Variants in ROR2 observed in about 807,000 individuals in gnomAD.
ROR2 encodes the protein tyrosine-protein kinase transmembrane receptor ROR2.
ROR2 carries 33 observed loss-of-function variants against 74.9 expected under a neutral mutation model. The observed-to-expected ratio is 0.44, with a 90% CI of 0.33 to 0.59. The LOEUF is 0.59. Ranked by LOEUF, ROR2 falls within the 20% of genes least tolerant of loss-of-function variation. The pLI is 0.02. For synonymous variants in ROR2, 586 were observed against 558.7 expected, an observed-to-expected ratio of 1.05 and a Z score of -0.69; for missense variants, 1,216 against 1,313.8, an observed-to-expected ratio of 0.93 and a Z score of 1.15.
At chr9:91,862,122 G>GACCATCCT (rs1829486487) in intron 1 of ROR2, among the ~76,000 whole-genome samples, 1 of 152,052 alleles carries the variant, frequency 6.6e-6, no homozygotes, top group Admixed American at 6.5e-5. Context: ...AGGAGATCAA[G>GACCATCCT]ACCATCCTGG....
Position 91,885,528 on chromosome 9 carries a change from G to A in ROR2, c.97+64339C>T, listed in dbSNP as rs188061343. On this transcript the variant is annotated intron_variant, in intron 1 of 8. Transcript: ENST00000375708. ...GTGGCTCCCGCCTGGGCCTGCACCA[G>A]GGTGGCTATGACATGGGACCTAAGG... Among the ~76,000 whole-genome samples the A allele has an allele frequency of 2.6e-3, 396 of 152,352 alleles. 4 individuals are homozygous for A. The highest frequency in any genetic ancestry group is 8.9e-3 in the African/African-American group (372 of 41,578).
At chr9:91,802,198 C>G (rs1587732799) in intron 1 of ROR2, among the ~76,000 whole-genome samples, 1 of 151,810 alleles carries the variant, frequency 6.6e-6, no homozygotes, top group East Asian at 1.9e-4. Context: ...CTCAGTCTTC[C>G]AGGTAGCTGG....
At position 91,871,202 on chromosome 9, in the gene ROR2, T is replaced by C. The variant is rs144259392; in HGVS notation, c.97+78665A>G. ...CTGTCTCTCCTCTGAAGAGTCTCAC[T>C]TTCTCTGTTTCCATGTTGGTCTCCT... is the stretch of plus-strand genomic sequence containing the variant. On this transcript the variant is annotated intron_variant, in intron 1 of 8. Coordinates refer to ENST00000375708, the MANE Select transcript of ROR2 (RefSeq NM_004560.4). 2.0e-5 allele frequency among the ~76,000 whole-genome samples: 3 copies of C among 152,372 alleles called. No homozygotes were observed. In the East Asian group the frequency reaches 5.8e-4, roughly 29 times the overall value.
intron 1 of ROR2, among the ~76,000 whole-genome samples, chr9:91,837,095 T>C (rs991165467): frequency 9.2e-5 from 14 of 152,178 alleles, no homozygotes; most frequent in African/African-American, 3.4e-4. Flanking sequence ...GATGTGTACA[T>C]GGTAATAAAT....
At chr9:91,852,624 A>AC (rs1829133234) in intron 1 of ROR2, among the ~76,000 whole-genome samples, 55 of 123,920 alleles carry the variant, frequency 4.4e-4, no homozygotes, top group East Asian at 1.8e-3. Flanking sequence ...AAAACACACA[A>AC]ACACACACAC....
At chr9:91,760,633 CAA>C (rs11405498) in intron 2 of ROR2, among the ~76,000 whole-genome samples, 19 of 80,872 alleles carry the variant, frequency 2.3e-4, no homozygotes, top group Non-Finnish European at 2.2e-4. Flanking sequence ...GACTCTGTCT[CAA>C]AAAAAAAAAA....
chr9:91,864,444 A>G (rs1233479663), intron 1 of ROR2, among the ~76,000 whole-genome samples: 1 of 152,242 alleles, frequency 6.6e-6, no homozygotes, highest in Non-Finnish European at 1.5e-5. Flanking sequence ...GAGCACTGTC[A>G]ACACACATGG....
At chr9:91,877,199 C>A (rs1371595630) in intron 1 of ROR2, among the ~76,000 whole-genome samples, 1 of 152,206 alleles carries the variant, frequency 6.6e-6, no homozygotes, top group Non-Finnish European at 1.5e-5. Flanking sequence ...TACAAGGACT[C>A]AGAAAACTTA....
intron 1 of ROR2, among the ~76,000 whole-genome samples, chr9:91,798,640 C>T (rs1282993261): frequency 1.0e-4 from 6 of 57,788 alleles, no homozygotes; most frequent in African/African-American, 2.3e-4. Context: ...GCTCTGTGGG[C>T]GAGCTGACAC....
chr9:91,797,706 G>A (rs1827223160), intron 1 of ROR2, among the ~76,000 whole-genome samples: 1 of 61,442 alleles, frequency 1.6e-5, no homozygotes, highest in Non-Finnish European at 2.9e-5. Context: ...TGACACCCTG[G>A]GCTCTGTGGG....
intron 1 of ROR2, among the ~76,000 whole-genome samples, chr9:91,822,990 G>A (rs1373621236): frequency 2.6e-5 from 4 of 152,168 alleles, no homozygotes; most frequent in South Asian, 2.1e-4. Flanking sequence ...TCAAAGGTGC[G>A]ACATTCTGGA....
intron 1 of ROR2, among the ~76,000 whole-genome samples, chr9:91,939,260 A>G (rs1420166421): frequency 6.6e-6 from 1 of 152,120 alleles, no homozygotes; most frequent in African/African-American, 2.4e-5. Flanking sequence ...AAAAAAAAAA[A>G]TTAAATTAAA....
At chr9:91,841,644 C>T (rs946003058) in intron 1 of ROR2, among the ~76,000 whole-genome samples, 32 of 152,170 alleles carry the variant, frequency 2.1e-4, no homozygotes, top group Non-Finnish European at 4.3e-4. Context: ...CAGTACAGCC[C>T]GGTGGGCTCC....
At chr9:91,886,948 C>G (rs1161183333) in intron 1 of ROR2, 1 of 152,160 alleles carries the variant, frequency 6.6e-6, no homozygotes, top group Non-Finnish European at 1.5e-5. Flanking sequence ...GACTGCCTGC[C>G]GTGTCTTTTA....
At position 91,791,728 on chromosome 9, in the gene ROR2, A is replaced by G. The variant is rs559478546; in HGVS notation, c.98-15910T>C. Among the ~76,000 whole-genome samples the G allele has an allele frequency of 9.9e-5, 15 of 152,034 alleles. No individual in the cohort carries two copies. The South Asian group carries it at 2.9e-3, about 30-fold the overall frequency. On this transcript the variant is annotated intron_variant, in intron 1 of 8. Coordinates refer to ENST00000375708, the MANE Select transcript of ROR2 (RefSeq NM_004560.4). ...GAAGACTTGAACAACATTATAAACC[A>G]ACTAGATACAACACGAACAGAACAC...
intron 1 of ROR2, among the ~76,000 whole-genome samples, chr9:91,854,090 G>A (rs531336724): frequency 3.9e-5 from 6 of 152,272 alleles, no homozygotes; most frequent in South Asian, 2.1e-4. Context: ...GCAACACCAC[G>A]CAAGACACTG....
intron 3 of ROR2, among the ~76,000 whole-genome samples, chr9:91,756,976 G>A (rs1280210497): frequency 6.6e-6 from 1 of 151,922 alleles, no homozygotes; most frequent in Non-Finnish European, 1.5e-5. Context: ...TACCATGTTG[G>A]CTAGGCTGAT....
At chr9:91,914,766 T>G (rs916904350) in intron 1 of ROR2, among the ~76,000 whole-genome samples, 11 of 128,186 alleles carry the variant, frequency 8.6e-5, no homozygotes, top group African/African-American at 2.9e-4. Flanking sequence ...TGTAGATCTG[T>G]CATGACTAGG....
chr9:91,911,143 T>A (rs761318707), intron 1 of ROR2, among the ~76,000 whole-genome samples: 2 of 152,218 alleles, frequency 1.3e-5, no homozygotes, highest in Non-Finnish European at 2.9e-5. Context: ...CCACCACCTG[T>A]TCCTTTGAAA....
Sources: allele counts gnomAD v4.1 joint callset (sites outside exome capture counted in the v4.1 genomes callset), GRCh38; gene constraint gnomAD v4.1.1; transcripts MANE v1.5; gene names NCBI Gene and HGNC (gene_info 2026-07-23, HGNC 2026-07-21).